UBE2H: variants seen among roughly 807,000 people sequenced by gnomAD.
UBE2H encodes ubiquitin conjugating enzyme E2 H.
UBE2H carries 3 observed loss-of-function variants against 29.0 expected under a neutral mutation model. The observed-to-expected ratio is 0.10, with a 90% CI of 0.05 to 0.27. The LOEUF (loss-of-function observed/expected upper bound fraction) is 0.27, where lower values mean the gene tolerates loss of function less well. Among genes scored for constraint, UBE2H ranks in the 10% least tolerant of loss-of-function variants. The pLI is 1.00. For missense variants in UBE2H, 68 were observed against 228.2 expected (o/e 0.30, Z 4.52); for synonymous variants, 69 against 82.9 (o/e 0.83, Z 0.91).
At chr7:129,906,267 G>A (rs1360986374) in intron 1 of UBE2H, among the ~76,000 whole-genome samples, 4 of 150,194 alleles carry the variant, frequency 2.7e-5, no homozygotes, top group Non-Finnish European at 5.9e-5. Flanking sequence ...GTGCAGTGGC[G>A]CCACCTTGGC....
At position 129,944,715 on chromosome 7, in the gene UBE2H, AACACACACACACACACACAC is replaced by A. The variant is rs57825154; in HGVS notation, c.53+7768_53+7787del. On this transcript the variant is annotated intron_variant, in intron 1 of 6. Coordinates refer to ENST00000355621, the MANE Select transcript of UBE2H (RefSeq NM_003344.4). ...AACACACACGTGCGCATGCGCTCAA[AACACACACACACACACACAC>A]ACACACACACACACACGCACGCACG... 9.0e-5 allele frequency among the ~76,000 whole-genome samples: 13 copies of A among 144,056 alleles called. No homozygotes were observed. In the East Asian group the frequency reaches 1.4e-3, roughly 16 times the overall value. The allele number at this position is 144,056 out of a possible 152,430, so 94.5% of individuals were successfully genotyped here.
At chr7:129,949,140 CAGG>C (rs1807825799) in intron 1 of UBE2H, 1 of 398,060 alleles carries the variant, frequency 2.5e-6, no homozygotes, top group Admixed American at 2.8e-5. Context: ...GGCTGTGCAA[CAGG>C]GTGAGACGAG....
chr7:129,887,209 T>G (rs181346675), intron 1 of UBE2H, among the ~76,000 whole-genome samples: 90 of 148,138 alleles, frequency 6.1e-4, no homozygotes, highest in Middle Eastern at 3.5e-3. Context: ...CTACTAGAGC[T>G]CTCTTGAACT....
In UBE2H at chr7:129,872,840, C is replaced by T. The variant is rs371930681; in HGVS notation, c.205+6728G>A. ...TGGCCTAGGTGACAGAGCAACACTC[C>T]GTCTCAAAAAAAAAAAAAAAAAAAA... On this transcript the variant is annotated intron_variant, in intron 3 of 6. Coordinates refer to ENST00000355621, the MANE Select transcript of UBE2H (RefSeq NM_003344.4). 7.9e-3 allele frequency among the ~76,000 whole-genome samples: 572 copies of T among 72,854 alleles called. 5 individuals carry two copies. The highest frequency in any genetic ancestry group is 0.031 in the African/African-American group (552 of 17,954). The allele number at this position is 72,854 out of a possible 152,430, so 47.8% of individuals were successfully genotyped here.
At chr7:129,873,620 T>TA (rs1432536552) in intron 3 of UBE2H, among the ~76,000 whole-genome samples, 6 of 151,516 alleles carry the variant, frequency 4.0e-5, no homozygotes, top group Non-Finnish European at 7.4e-5. Context: ...TTTTTTTTTT[T>TA]AGAGATGGGG....
chr7:129,931,626 T>C (rs1037584583), intron 1 of UBE2H, among the ~76,000 whole-genome samples: 2 of 152,148 alleles, frequency 1.3e-5, no homozygotes, highest in African/African-American at 2.4e-5. Flanking sequence ...TGGATTTTCA[T>C]ATGTGCTTCT....
At chr7:129,853,167 C>T (rs1294905613) in intron 5 of UBE2H, among the ~76,000 whole-genome samples, 2 of 152,124 alleles carry the variant, frequency 1.3e-5, no homozygotes, top group African/African-American at 2.4e-5. Context: ...AAAGCTGTAT[C>T]GCAGTGAAGG....
chr7:129,901,757 G>A (rs1314328163), intron 1 of UBE2H, among the ~76,000 whole-genome samples: 1 of 152,056 alleles, frequency 6.6e-6, no homozygotes, highest in East Asian at 1.9e-4. Flanking sequence ...ACCATGTCTG[G>A]CTAATTTTTT....
At chr7:129,903,510 C>T (rs944309605) in intron 1 of UBE2H, among the ~76,000 whole-genome samples, 1 of 152,186 alleles carries the variant, frequency 6.6e-6, no homozygotes, top group Non-Finnish European at 1.5e-5. Flanking sequence ...TGCCTGTAAT[C>T]CCAACACTTT....
At chr7:129,904,688 C>T (rs531362118) in intron 1 of UBE2H, among the ~76,000 whole-genome samples, 1 of 152,124 alleles carries the variant, frequency 6.6e-6, no homozygotes, top group Non-Finnish European at 1.5e-5. Flanking sequence ...TCAACAGAAA[C>T]TGGTTAAATG....
chr7:129,837,858 C>T (rs768382324), intron 6 of UBE2H, among the ~76,000 whole-genome samples: 4 of 152,062 alleles, frequency 2.6e-5, no homozygotes, highest in East Asian at 3.9e-4. Flanking sequence ...GCTAGGGGTC[C>T]GTACGCTGGA....
chr7:129,846,171 G>A (rs1015741033), intron 5 of UBE2H, among the ~76,000 whole-genome samples: 1 of 152,082 alleles, frequency 6.6e-6, no homozygotes, highest in African/African-American at 2.4e-5. Context: ...ATGAACCAGT[G>A]ACCACAAGTT....
At chr7:129,835,847 C>T (rs1805315023) in intron 6 of UBE2H, among the ~76,000 whole-genome samples, 4 of 152,218 alleles carry the variant, frequency 2.6e-5, no homozygotes, top group Admixed American at 2.6e-4. Flanking sequence ...CACAAAAACA[C>T]ACCCTTGTGG....
chr7:129,885,408 A>T (rs1806339169), intron 1 of UBE2H, among the ~76,000 whole-genome samples: 1 of 152,244 alleles, frequency 6.6e-6, no homozygotes, highest in Non-Finnish European at 1.5e-5. Flanking sequence ...ATTTAAAATT[A>T]CGAGTTGTCC....
At chr7:129,881,962 A>T (rs75117904) in intron 1 of UBE2H, among the ~76,000 whole-genome samples, 33 of 152,132 alleles carry the variant, frequency 2.2e-4, no homozygotes, top group Admixed American at 4.6e-4. Flanking sequence ...ACAAAAAAAA[A>T]TTTTTTCAGA....
intron 1 of UBE2H, among the ~76,000 whole-genome samples, chr7:129,908,539 T>C (rs971426741): frequency 1.3e-5 from 2 of 152,242 alleles, no homozygotes; most frequent in African/African-American, 2.4e-5. Flanking sequence ...TATTCATTTA[T>C]AGATGCCTAT....
At chr7:129,938,664 C>T (rs1807580711) in intron 1 of UBE2H, among the ~76,000 whole-genome samples, 1 of 151,118 alleles carries the variant, frequency 6.6e-6, no homozygotes, top group Non-Finnish European at 1.5e-5. Flanking sequence ...CGAGATTACG[C>T]CATTGCACTC....
intron 3 of UBE2H, among the ~76,000 whole-genome samples, chr7:129,870,441 C>T (rs1293882624): frequency 6.6e-6 from 1 of 152,178 alleles, no homozygotes; most frequent in Non-Finnish European, 1.5e-5. Flanking sequence ...CATGGTGAAA[C>T]CCATGGCTAC....
chr7:129,834,923 A>G lies in UBE2H; in HGVS notation c.*14T>C, dbSNP rs752067435. 1.2e-6 allele frequency: 2 copies of G among 1,612,120 alleles called. No homozygotes were observed. Among genetic ancestry groups the G allele is most frequent in the South Asian group, 2.2e-5 (2 of 90,964 alleles). On this transcript the variant is annotated 3_prime_UTR_variant, in exon 7 of 7. Transcript: ENST00000355621. ...GGAAATAATAGTCTTTCTGAAAAGC[A>G]GGTGCTTTTTCTACTACAACTCCAT...
Sources: gnomAD v4.1 joint callset for allele counts (sites outside exome capture counted in the v4.1 genomes callset) on GRCh38, gnomAD v4.1.1 for gene constraint, MANE v1.5 for transcripts, NCBI Gene and HGNC (gene_info 2026-07-23, HGNC 2026-07-21) for gene names.